The following SULF1 variants were observed in gnomAD, a reference collection of about 807,000 sequenced individuals.
SULF1 encodes extracellular sulfatase Sulf-1.
SULF1 carries 46 observed loss-of-function variants against 110.5 expected under a neutral mutation model. That is an observed-to-expected ratio of 0.42 (90% CI 0.33 to 0.53). SULF1 has a LOEUF of 0.53. SULF1 is among the 20% of genes least tolerant of loss of function. The pLI, the probability that SULF1 is intolerant of heterozygous loss-of-function variation, is 0.12. For missense variants in SULF1, 941 were observed against 1,094.2 expected (o/e 0.86, Z 1.98); for synonymous variants, 371 against 387.1 (o/e 0.96, Z 0.49).
At chr8:69,539,344 T>C (rs1440829805) in intron 3 of SULF1, among the ~76,000 whole-genome samples, 1 of 152,190 alleles carries the variant, frequency 6.6e-6, no homozygotes, top group Non-Finnish European at 1.5e-5. Flanking sequence ...GGAAAGTCTT[T>C]TAAAGATGAA....
chr8:69,628,163 T>C lies in SULF1; in HGVS notation c.2043-8T>C, dbSNP rs765434093. 1 of 1,611,540 alleles carries C rather than the reference T, an allele frequency of 6.2e-7. No individual in the cohort carries two copies. Among genetic ancestry groups the C allele is most frequent in the South Asian group, 1.1e-5 (1 of 91,024 alleles). On this transcript the variant is annotated splice_region_variant and splice_polypyrimidine_tract_variant and intron_variant, in intron 17 of 22. Coordinates refer to ENST00000402687, the MANE Select transcript of SULF1 (RefSeq NM_001128205.2). ...TGAAGTCTCACTTTTTAATCTTCTC[T>C]CCTGCAGCTATTACAATAAAGAGAA...
intron 8 of SULF1, among the ~76,000 whole-genome samples, chr8:69,589,959 G>A (rs941208828): frequency 6.6e-6 from 1 of 152,300 alleles, no homozygotes; most frequent in Non-Finnish European, 1.5e-5. Flanking sequence ...GGGAGACAGG[G>A]AACAGAAAAT....
chr8:69,634,211 T>C (rs1194904026), intron 19 of SULF1, among the ~76,000 whole-genome samples: 1 of 152,232 alleles, frequency 6.6e-6, no homozygotes, highest in Non-Finnish European at 1.5e-5. Context: ...TCGTTTCCTA[T>C]AAGCTTTAGG....
chr8:69,566,051 C>T (rs1441241416), intron 5 of SULF1, among the ~76,000 whole-genome samples: 2 of 152,074 alleles, frequency 1.3e-5, no homozygotes, highest in Non-Finnish European at 2.9e-5. Flanking sequence ...TGGAACTTTC[C>T]TTTGCACCCC....
chr8:69,603,338 C>A lies in SULF1; in HGVS notation c.1190+18C>A, dbSNP rs765251164. On this transcript the variant is annotated intron_variant, in intron 11 of 22. Transcript: ENST00000402687. ...GGTAACAGGTGTGTCATTGTTCCTC[C>A]TCTCAGCCAGCCCCAAATACACTGA... 4 of 1,613,870 alleles carry A rather than the reference C, an allele frequency of 2.5e-6. No homozygotes were observed. The Admixed American group carries it at 6.7e-5, about 27-fold the overall frequency.
At chr8:69,541,472 G>T (rs188813830) in intron 3 of SULF1, among the ~76,000 whole-genome samples, 1 of 152,152 alleles carries the variant, frequency 6.6e-6, no homozygotes, top group African/African-American at 2.4e-5. Flanking sequence ...CATCCCCTTG[G>T]GTTTACCCTA....
chr8:69,507,570 A>G (rs1811280985), intron 3 of SULF1, among the ~76,000 whole-genome samples: 1 of 152,198 alleles, frequency 6.6e-6, no homozygotes, highest in Non-Finnish European at 1.5e-5. Context: ...AAATCCTGTT[A>G]TTAAGATTCT....
chr8:69,629,694 C>G lies in SULF1; in HGVS notation c.2284+15C>G. The G allele has an allele frequency of 6.3e-7, 1 of 1,581,472 alleles. No individual in the cohort carries two copies. The highest frequency in any genetic ancestry group is 8.6e-7 in the Non-Finnish European group (1 of 1,163,178). ...GTTCTGGAACCGTAAGTTGCTTGTT[C>G]CAAATGCCACTTCCTGCCGCCATGC... On this transcript the variant is annotated intron_variant, in intron 19 of 22. Coordinates refer to ENST00000402687, the MANE Select transcript of SULF1 (RefSeq NM_001128205.2).
In SULF1 at chr8:69,564,058, C is replaced by T. The variant is rs376825615; in HGVS notation, c.83C>T (p.Pro28Leu). The T allele has an allele frequency of 1.6e-5, 26 of 1,613,984 alleles. No homozygotes were observed. Among genetic ancestry groups the T allele is most frequent in the Middle Eastern group, 3.3e-4 (2 of 6,082 alleles). ...AGCCTCTGTTCGACTGTCAGATCCC[C>T]GAGGTTCAGAGGACGGATACAGCAG... is the stretch of plus-strand genomic sequence containing the variant. ...LGSLCSTVRS[P>L]RFRGRIQQER... The change falls in exon 5 of 23, where the codon CCG (proline) becomes CTG (leucine). Residue 28 changes from proline (P) to leucine (L), a missense_variant. Coordinates refer to ENST00000402687, the MANE Select transcript of SULF1 (RefSeq NM_001128205.2).
intron 5 of SULF1, among the ~76,000 whole-genome samples, chr8:69,574,926 G>A (rs1470026662): frequency 1.3e-5 from 2 of 152,136 alleles, no homozygotes; most frequent in African/African-American, 4.8e-5. Context: ...TTGGACTGTT[G>A]CATGCTTCTC....
chr8:69,634,060 C>A (rs539047062), intron 19 of SULF1, among the ~76,000 whole-genome samples: 3 of 152,086 alleles, frequency 2.0e-5, no homozygotes, highest in Non-Finnish European at 4.4e-5. Context: ...AATTAGAGAT[C>A]TTTTAATGAA....
intron 15 of SULF1, among the ~76,000 whole-genome samples, chr8:69,626,932 G>C (rs963286912): frequency 2.0e-5 from 3 of 152,240 alleles, no homozygotes; most frequent in Non-Finnish European, 4.4e-5. Context: ...GTGCAGCAGC[G>C]GGCCGAAGGG....
intron 3 of SULF1, among the ~76,000 whole-genome samples, chr8:69,511,318 C>T (rs1811543572): frequency 6.6e-6 from 1 of 152,092 alleles, no homozygotes. Context: ...TTTTTTCTCC[C>T]ATTCAATCAT....
intron 1 of SULF1, among the ~76,000 whole-genome samples, chr8:69,480,134 A>G (rs1563456992): frequency 1.3e-5 from 2 of 152,154 alleles, no homozygotes; most frequent in Admixed American, 6.6e-5. Flanking sequence ...TTGTAAAAGC[A>G]TTTTTTAACA....
At chr8:69,519,792 C>T (rs181182261) in intron 3 of SULF1, among the ~76,000 whole-genome samples, 130 of 152,198 alleles carry the variant, frequency 8.5e-4, no homozygotes, top group African/African-American at 3.0e-3. Flanking sequence ...ATTTAAATAG[C>T]AAGATGCATT....
chr8:69,511,235 A>C (rs994620795), intron 3 of SULF1, among the ~76,000 whole-genome samples: 5 of 152,092 alleles, frequency 3.3e-5, no homozygotes, highest in African/African-American at 1.2e-4. Context: ...CAGATGGAAA[A>C]CCTTTTTTAA....
intron 13 of SULF1, among the ~76,000 whole-genome samples, chr8:69,614,638 A>G (rs1808943523): frequency 6.6e-6 from 1 of 152,246 alleles, no homozygotes; most frequent in Non-Finnish European, 1.5e-5. Flanking sequence ...GGTGTTATTT[A>G]TATACAGGCA....
intron 3 of SULF1, among the ~76,000 whole-genome samples, chr8:69,539,588 C>A (rs186277967): frequency 2.6e-5 from 4 of 152,228 alleles, no homozygotes; most frequent in Admixed American, 2.6e-4. Flanking sequence ...TTCTTCTATT[C>A]CAAAGTCAAT....
intron 13 of SULF1, among the ~76,000 whole-genome samples, chr8:69,610,474 T>A (rs755907202): frequency 2.4e-4 from 37 of 152,302 alleles, no homozygotes; most frequent in Middle Eastern, 6.8e-3. Context: ...CTCATAGACA[T>A]CTTCCCCTGG....
Sources: allele counts gnomAD v4.1 joint callset (sites outside exome capture counted in the v4.1 genomes callset), GRCh38; gene constraint gnomAD v4.1.1; transcripts MANE v1.5; gene names NCBI Gene and HGNC (gene_info 2026-07-23, HGNC 2026-07-21).